The following ADGRG6 variants were observed in gnomAD, a reference collection of about 807,000 sequenced individuals.
ADGRG6 encodes adhesion G protein-coupled receptor G6, also known as G-protein coupled receptor 126.
ADGRG6 carries 84 observed loss-of-function variants against 142.4 expected under a neutral mutation model. The observed-to-expected ratio is 0.59, with a 90% CI of 0.49 to 0.71. ADGRG6 has a LOEUF of 0.71. Among genes scored for constraint, ADGRG6 ranks in the 30% least tolerant of loss-of-function variants. The probability of loss-of-function intolerance (pLI) is 0.00; values close to 1 mark genes in which losing one functional copy is unlikely to be tolerated. For synonymous variants in ADGRG6, 521 were observed against 520.5 expected (o/e 1.00, Z -0.01); for missense variants, 1,367 against 1,466.6 (o/e 0.93, Z 1.11).
intron 4 of ADGRG6, among the ~76,000 whole-genome samples, chr6:142,375,295 C>G (rs1215419663): frequency 1.3e-5 from 2 of 152,076 alleles, no homozygotes; most frequent in Non-Finnish European, 2.9e-5. Context: ...AAAAGGGTAC[C>G]GTGAACTTAA....
intron 2 of ADGRG6, among the ~76,000 whole-genome samples, chr6:142,333,416 C>T (rs1779160381): frequency 6.6e-6 from 1 of 152,176 alleles, no homozygotes; most frequent in Non-Finnish European, 1.5e-5. Context: ...CAGACCTGGA[C>T]TATCAGCTTG....
chr6:142,382,473 A>C (rs1018376640), intron 5 of ADGRG6, among the ~76,000 whole-genome samples: 3 of 152,224 alleles, frequency 2.0e-5, no homozygotes, highest in African/African-American at 7.2e-5. Context: ...AGATAACTTA[A>C]ATTTTAAGAT....
Position 142,419,911 on chromosome 6 carries a change from G to T in ADGRG6, c.3126G>T (p.Val1042=). The change falls in exon 22 of 25, where the codon GTG becomes GTT. Residue 1042 remains valine (V), a synonymous_variant. Transcript: ENST00000367609. ...TTCTGAACATTGCCATGTTCATTGT[G>T]GTAATGGTGCAGATCTGTGGGAGGA... ...MFFLNIAMFI[V]VMVQICGRNG... is the part of the protein sequence containing the mutation. 1 of 1,613,170 alleles carries T rather than the reference G, an allele frequency of 6.2e-7. No homozygotes were observed. Among genetic ancestry groups the T allele is most frequent in the South Asian group, 1.1e-5 (1 of 91,074 alleles).
At chr6:142,432,874 A>G (rs1045041997) in intron 22 of ADGRG6, among the ~76,000 whole-genome samples, 24 of 152,226 alleles carry the variant, frequency 1.6e-4, no homozygotes, top group Non-Finnish European at 3.2e-4. Context: ...CAGGATATAT[A>G]GCATACAGAA....
chr6:142,302,221 C>A lies in ADGRG6; in HGVS notation c.-109C>A. On this transcript the variant is annotated 5_prime_UTR_variant, in exon 1 of 25. Transcript: ENST00000367609. ...CGTAAAGGAGGGTCCCGCCGCGGCG[C>A]AGGGCTGGGGCGCCTGGGTTCCCCC... 7.7e-7 allele frequency: 1 copy of A among 1,306,068 alleles called. No individual in the cohort carries two copies. Among genetic ancestry groups the A allele is most frequent in the Non-Finnish European group, 1.1e-6 (1 of 939,344 alleles). 80.9% of individuals were successfully genotyped at this position (1,306,068 alleles called of 1,614,324 possible).
chr6:142,359,024 T>C (rs1212163732), intron 2 of ADGRG6, among the ~76,000 whole-genome samples: 1 of 150,802 alleles, frequency 6.6e-6, no homozygotes, highest in Non-Finnish European at 1.5e-5. Flanking sequence ...TGGGCAACAT[T>C]ATGAGATCCC....
chr6:142,416,142 TA>T (rs200239701), intron 20 of ADGRG6, 78 bp downstream of exon 20: 300 of 1,022,174 alleles, frequency 2.9e-4, no homozygotes, highest in Non-Finnish European at 3.7e-4. Flanking sequence ...AAATCTTATT[TA>T]AAAAAAAATA....
intron 2 of ADGRG6, among the ~76,000 whole-genome samples, chr6:142,334,192 A>G (rs1256454590): frequency 1.3e-5 from 2 of 152,226 alleles, no homozygotes; most frequent in African/African-American, 4.8e-5. Context: ...TCTTAGACAA[A>G]AGATGGAAGA....
rs762409777 is a variant in ADGRG6 at position 142,403,872 on chromosome 6, A to T, written c.2026A>T (p.Thr676Ser). The change falls in exon 14 of 25, where the codon ACT becomes TCT. Residue 676 changes from threonine to serine, a missense_variant. By Grantham distance (58) the Thr-to-Ser change is moderately conservative. Around this residue, in one of 3 missense-constraint regions of ADGRG6, gnomAD observed 286 missense variants for 371.4 expected, o/e 0.77. Coordinates refer to ENST00000367609, the MANE Select transcript of ADGRG6 (RefSeq NM_198569.3). The stretch of plus-strand genomic sequence containing the variant: ...TAGCACATCACATGTGAATATTACA[A>T]CTCGGAACTTGGCTCTCAGCGTATC... Reference protein sequence around the residue: ...LNSTSHVNITTRNLALSVSSL... With the variant: ...LNSTSHVNITSRNLALSVSSL... The T allele has an allele frequency of 6.2e-7, 1 of 1,609,276 alleles. No homozygotes were observed. The highest frequency in any genetic ancestry group is 2.2e-5 in the East Asian group (1 of 44,844).
intron 17 of ADGRG6, 57 bp downstream of exon 17, chr6:142,409,976 G>C: frequency 1.4e-6 from 1 of 725,828 alleles, no homozygotes; most frequent in Non-Finnish European, 2.3e-6. Context: ...TTTAAACATT[G>C]TTAGACACCC....
At chr6:142,330,287 G>A (rs1363876902) in intron 2 of ADGRG6, among the ~76,000 whole-genome samples, 2 of 151,654 alleles carry the variant, frequency 1.3e-5, no homozygotes, top group Non-Finnish European at 2.9e-5. Flanking sequence ...GCAAACCCCC[G>A]TGACCCAAAT....
chr6:142,321,294 C>G lies in ADGRG6; in HGVS notation c.103+11650C>G, dbSNP rs563736619. Reference sequence around the variant, plus strand: ...CCAAAAATAAGCATGCATACACACACACACACACACACACACACGTGTATA... The same window carrying G: ...CCAAAAATAAGCATGCATACACACAGACACACACACACACACACGTGTATA... On this transcript the variant is annotated intron_variant, in intron 2 of 24. Transcript: ENST00000367609. 3.9e-3 allele frequency among the ~76,000 whole-genome samples: 588 copies of G among 151,468 alleles called. 3 individuals are homozygous for G. The highest frequency in any genetic ancestry group is 0.014 in the African/African-American group (564 of 41,258).
chr6:142,334,498 G>C (rs1779218606), intron 2 of ADGRG6, among the ~76,000 whole-genome samples: 1 of 152,164 alleles, frequency 6.6e-6, no homozygotes. Context: ...AGAGCTGGGA[G>C]TTATGAGGAA....
At chr6:142,332,888 G>A (rs1259479129) in intron 2 of ADGRG6, among the ~76,000 whole-genome samples, 1 of 152,166 alleles carries the variant, frequency 6.6e-6, no homozygotes. Context: ...TCTGTCAGAC[G>A]CCTGGAAAGT....
rs1383005996 is a variant in ADGRG6, at chr6:142,367,745, T to C, written c.280T>C (p.Cys94Arg). Residue 94 changes from cysteine (C) to arginine (R), a missense_variant, in exon 3 of 25, where the codon TGC becomes CGC. Transcript: ENST00000367609. ...CTTTGACATTGAAGAAGCTCCCAAT[T>C]GCATTTATGACTCATTATCCCTTGA... ...NDFDIEEAPN[C>R]IYDSLSLDNG... is the part of the protein sequence containing the mutation. 6.2e-7 allele frequency: 1 copy of C among 1,613,948 alleles called. No individual in the cohort carries two copies. The highest frequency in any genetic ancestry group is 8.5e-7 in the Non-Finnish European group (1 of 1,179,824).
At position 142,393,007 on chromosome 6, in the gene ADGRG6, CAG is replaced by C; in HGVS notation, c.1361+9_1361+10del. On this transcript the variant is annotated splice_region_variant and intron_variant, in intron 8 of 24. Coordinates refer to ENST00000367609, the MANE Select transcript of ADGRG6 (RefSeq NM_198569.3). ...TTTATGTCGTTAATATCAGGTAAGACAGAATAAATTATTTGATAAATTAAAAG... is the reference window on the plus strand; with the variant it reads ...TTTATGTCGTTAATATCAGGTAAGACAATAAATTATTTGATAAATTAAAAG... 3 of 1,444,748 alleles carry C rather than the reference CAG, an allele frequency of 2.1e-6. No individual in the cohort carries two copies. The highest frequency in any genetic ancestry group is 2.9e-6 in the Non-Finnish European group (3 of 1,029,566). The allele number at this position is 1,444,748 out of a possible 1,614,324, so 89.5% of individuals were successfully genotyped here. A position where few individuals can be genotyped will look rare whatever the true frequency, so the allele number is the denominator to read the frequency against.
chr6:142,407,542 T>C (rs991079116), intron 15 of ADGRG6, among the ~76,000 whole-genome samples: 1 of 152,210 alleles, frequency 6.6e-6, no homozygotes, highest in Non-Finnish European at 1.5e-5. Context: ...GAATGCTTAT[T>C]GGTCCAAACC....
intron 2 of ADGRG6, among the ~76,000 whole-genome samples, chr6:142,314,173 G>A (rs1389424587): frequency 6.6e-6 from 1 of 152,108 alleles, no homozygotes; most frequent in African/African-American, 2.4e-5. Context: ...ATACACCTTT[G>A]GATGGCCTGA....
intron 4 of ADGRG6, among the ~76,000 whole-genome samples, chr6:142,381,386 T>C (rs778120926): frequency 1.3e-5 from 2 of 152,206 alleles, no homozygotes; most frequent in Non-Finnish European, 2.9e-5. Context: ...GAGGGAGATT[T>C]AGTGCAACAA....
Sources: gnomAD v4.1 joint callset for allele counts (sites outside exome capture counted in the v4.1 genomes callset) on GRCh38, gnomAD v4.1.1 for gene constraint, gnomAD v4.1.1 regional missense constraint, MANE v1.5 for transcripts, NCBI Gene and HGNC (gene_info 2026-07-23, HGNC 2026-07-21) for gene names.